PRKCH: variants seen among roughly 807,000 people sequenced by gnomAD.
PRKCH encodes the protein protein kinase C eta.
PRKCH carries 28 observed loss-of-function variants against 82.5 expected under a neutral mutation model. That is an observed-to-expected ratio of 0.34 (90% CI 0.25 to 0.47). The LOEUF is 0.47. Ranked by LOEUF, PRKCH falls within the 20% of genes least tolerant of loss-of-function variation. The pLI is 1.00. For synonymous variants in PRKCH, 322 were observed against 327.4 expected (o/e 0.98, Z 0.18); for missense variants, 705 against 881.8 (o/e 0.80, Z 2.54).
chr14:61,527,277 T>TGTA (rs2042978791), intron 10 of PRKCH, among the ~76,000 whole-genome samples: 1 of 152,054 alleles, frequency 6.6e-6, no homozygotes, highest in African/African-American at 2.4e-5. Context: ...GTCTCCATAA[T>TGTA]CTAGGCTTCT....
chr14:61,320,939 T>C (rs975889520), upstream of PRKCH, among the ~76,000 whole-genome samples: 2 of 152,210 alleles, frequency 1.3e-5, no homozygotes, highest in African/African-American at 4.8e-5. Context: ...CTCTTGGCCA[T>C]GTCTGTCTCC....
intron 1 of PRKCH, among the ~76,000 whole-genome samples, chr14:61,257,703 C>T (rs2045011143): frequency 6.6e-6 from 1 of 151,740 alleles, no homozygotes; most frequent in Admixed American, 6.6e-5. Flanking sequence ...GCTTATTTTT[C>T]ACCTTATAGT....
At chr14:61,192,628 G>A (rs1001724124) in intron 1 of PRKCH, among the ~76,000 whole-genome samples, 2 of 152,168 alleles carry the variant, frequency 1.3e-5, no homozygotes, top group Admixed American at 6.5e-5. Context: ...TTGGTAGGGT[G>A]CTTTCAGAAG....
In PRKCH at chr14:61,216,909, G is replaced by A. The variant is rs149934725; in HGVS notation, c.-19+29241G>A. Among the ~76,000 whole-genome samples, 269 of 152,254 alleles carry A rather than the reference G, an allele frequency of 1.8e-3. 2 individuals are homozygous for A. Among genetic ancestry groups the A allele is most frequent in the Admixed American group, 3.5e-3 (53 of 15,294 alleles). ...ATTCTGGCGTTTAAAAATGTAAAAC[G>A]GTTGCATACTGTGGAATATTATGGC... On this transcript the variant is annotated intron_variant, in intron 1 of 3. Transcript: ENST00000555185.
chr14:61,366,101 A>T (rs1490692538), intron 1 of PRKCH, among the ~76,000 whole-genome samples: 2 of 152,114 alleles, frequency 1.3e-5, no homozygotes, highest in African/African-American at 4.8e-5. Context: ...GACTGTCAGA[A>T]GATGAGACAG....
intron 1 of PRKCH, chr14:61,307,237 T>C (rs1354400320): frequency 6.6e-6 from 1 of 152,208 alleles, no homozygotes; most frequent in Non-Finnish European, 1.5e-5. Context: ...TGGTCTCCAC[T>C]ATAAAAACAA....
chr14:61,502,511 T>C (rs1459007818), intron 10 of PRKCH, among the ~76,000 whole-genome samples: 1 of 152,168 alleles, frequency 6.6e-6, no homozygotes, highest in Non-Finnish European at 1.5e-5. Context: ...AAGAAAGATT[T>C]CTTTCCAGCA....
chr14:61,371,921 G>A (rs1460740437), intron 1 of PRKCH, among the ~76,000 whole-genome samples: 1 of 151,938 alleles, frequency 6.6e-6, no homozygotes, highest in South Asian at 2.1e-4. Context: ...TCATTTATTT[G>A]TATCAGTATG....
chr14:61,318,365 G>GTTT (rs77878429), upstream of PRKCH, among the ~76,000 whole-genome samples: 56 of 126,314 alleles, frequency 4.4e-4, no homozygotes, highest in East Asian at 6.8e-4. Context: ...GTTTTAAAAA[G>GTTT]TTTTTTTTTT....
intron 10 of PRKCH, among the ~76,000 whole-genome samples, chr14:61,493,344 A>G (rs1317348649): frequency 6.6e-6 from 1 of 152,204 alleles, no homozygotes; most frequent in Non-Finnish European, 1.5e-5. Context: ...CTGAAGATCT[A>G]GGAATCATCT....
intron 1 of PRKCH, among the ~76,000 whole-genome samples, chr14:61,197,907 C>A (rs1371372800): frequency 2.0e-5 from 3 of 152,138 alleles, no homozygotes; most frequent in Non-Finnish European, 4.4e-5. Context: ...CTCATATATT[C>A]CCATGTTAAC....
At chr14:61,312,722 G>T (rs2045534557) in intron 1 of PRKCH, among the ~76,000 whole-genome samples, 4 of 152,108 alleles carry the variant, frequency 2.6e-5, no homozygotes, top group Admixed American at 2.6e-4. Flanking sequence ...GATCTCATGA[G>T]ATTATTCACC....
chr14:61,313,084 C>T (rs1181436471), intron 1 of PRKCH, among the ~76,000 whole-genome samples: 2 of 152,064 alleles, frequency 1.3e-5, no homozygotes, highest in Non-Finnish European at 2.9e-5. Flanking sequence ...GTATGATGCC[C>T]AAGGACAAGA....
At chr14:61,399,722 T>C in intron 2 of PRKCH, among the ~76,000 whole-genome samples, 1 of 152,210 alleles carries the variant, frequency 6.6e-6, no homozygotes, top group East Asian at 1.9e-4. Flanking sequence ...ATGGTAGAAG[T>C]ATCTTTATAA....
chr14:61,484,691 CTT>C (rs948219206), intron 9 of PRKCH, among the ~76,000 whole-genome samples: 14 of 151,032 alleles, frequency 9.3e-5, no homozygotes, highest in African/African-American at 3.4e-4. Flanking sequence ...CATTCCGACT[CTT>C]GACTCAATCT....
intron 1 of PRKCH, among the ~76,000 whole-genome samples, chr14:61,286,255 T>C (rs2045312755): frequency 6.6e-6 from 1 of 152,254 alleles, no homozygotes; most frequent in Non-Finnish European, 1.5e-5. Context: ...AATTACAGCA[T>C]GCGCTCAGAA....
In PRKCH at chr14:61,322,021, G is replaced by A; in HGVS notation, c.-81G>A. The A allele has an allele frequency of 6.9e-7, 1 of 1,439,430 alleles. No homozygotes were observed. Among genetic ancestry groups the A allele is most frequent in the Non-Finnish European group, 9.2e-7 (1 of 1,082,836 alleles). The allele number at this position is 1,439,430 out of a possible 1,614,324, so 89.2% of individuals were successfully genotyped here. On this transcript the variant is annotated 5_prime_UTR_variant, in exon 1 of 14. Transcript: ENST00000332981. ...CTGCCTCGACTCCTGCACCTGTCCC[G>A]AGGGCTGGCCTGAGACGGGACTCCC...
intron 10 of PRKCH, among the ~76,000 whole-genome samples, chr14:61,511,781 T>A (rs1003819580): frequency 1.9e-4 from 29 of 152,294 alleles, no homozygotes; most frequent in Admixed American, 3.3e-4. Flanking sequence ...GGAGGAGAGA[T>A]AGCACCACCT....
At chr14:61,455,739 G>A (rs1354408788) in intron 7 of PRKCH, among the ~76,000 whole-genome samples, 2 of 152,102 alleles carry the variant, frequency 1.3e-5, no homozygotes, top group Admixed American at 6.5e-5. Context: ...CATGACATCC[G>A]GTGCCTGGCT....
Sources: allele counts gnomAD v4.1 joint callset (sites outside exome capture counted in the v4.1 genomes callset), GRCh38; gene constraint gnomAD v4.1.1; transcripts MANE v1.5; gene names NCBI Gene and HGNC (gene_info 2026-07-23, HGNC 2026-07-21).